The following AK5 variants were observed in gnomAD, a reference collection of about 807,000 sequenced individuals.
AK5 encodes adenylate kinase isoenzyme 5.
AK5 carries 27 observed loss-of-function variants against 69.5 expected under a neutral mutation model. The ratio of observed to expected loss-of-function variants is 0.39; its 90% CI spans 0.29 to 0.54. The LOEUF (loss-of-function observed/expected upper bound fraction) is 0.54. Ranked by LOEUF, AK5 falls within the 20% of genes least tolerant of loss-of-function variation. The probability of loss-of-function intolerance (pLI) is 0.71; values close to 1 mark genes in which losing one functional copy is unlikely to be tolerated. For missense variants in AK5, 531 were observed against 700.4 expected (o/e 0.76, Z 2.73); for synonymous variants, 260 against 244.4 (o/e 1.06, Z -0.60).
intron 5 of AK5, among the ~76,000 whole-genome samples, chr1:77,336,624 G>T (rs965123620): frequency 7.2e-5 from 11 of 151,752 alleles, no homozygotes; most frequent in Non-Finnish European, 2.9e-5. Flanking sequence ...ATATTCTGTG[G>T]TTTTTTTTGT....
chr1:77,367,805 A>ATATAT (rs1491541815), intron 6 of AK5, among the ~76,000 whole-genome samples: 1,280 of 8,474 alleles, frequency 0.15, 512 homozygotes, highest in Non-Finnish European at 0.21. Context: ...GTTATATATA[A>ATATAT]TATATGTTAT....
At chr1:77,300,501 C>T (rs546817140) in intron 5 of AK5, among the ~76,000 whole-genome samples, 35 of 152,200 alleles carry the variant, frequency 2.3e-4, no homozygotes, top group African/African-American at 8.2e-4. Context: ...TTATGTAAAG[C>T]AGTGTCAGGG....
intron 6 of AK5, among the ~76,000 whole-genome samples, chr1:77,346,790 C>G (rs1449368757): frequency 6.6e-6 from 1 of 152,144 alleles, no homozygotes; most frequent in East Asian, 1.9e-4. Flanking sequence ...AGCCACCACA[C>G]CCAGCCAGGA....
chr1:77,512,274 C>T (rs1309864993), intron 10 of AK5, among the ~76,000 whole-genome samples: 8 of 152,032 alleles, frequency 5.3e-5, no homozygotes, highest in Non-Finnish European at 8.8e-5. Flanking sequence ...AGAGAGAGAT[C>T]GTGCACACAC....
rs1313002378 is a variant in AK5 at position 77,558,987 on chromosome 1, T to A, written c.*317T>A. On this transcript the variant is annotated 3_prime_UTR_variant, in exon 14 of 14. Transcript: ENST00000354567. The stretch of plus-strand genomic sequence containing the variant: ...TGAACAGTGGTGCGGTGCCAGTCTG[T>A]GTCCGTTGTGATCACAGGCCTTGCT... 5.0e-6 allele frequency: 1 copy of A among 200,392 alleles called. No individual in the cohort carries two copies. Among genetic ancestry groups the A allele is most frequent in the African/African-American group, 2.3e-5 (1 of 43,456 alleles). The allele number at this position is 200,392 out of a possible 1,614,324, so 12.4% of individuals were successfully genotyped here.
chr1:77,539,759 C>T (rs17100692), intron 13 of AK5, among the ~76,000 whole-genome samples: 10,167 of 152,184 alleles, frequency 0.067, 833 homozygotes, highest in African/African-American at 0.2. Flanking sequence ...TCCCTTGGTT[C>T]CTAAGTAACA....
rs111827165 is a variant in AK5 at position 77,367,829 on chromosome 1, A to T, written c.891+27261A>T. ...AATATATGTTATATATATTATATAT[A>T]ATATATGTTATATATATTATATATA... On this transcript the variant is annotated intron_variant, in intron 6 of 13. Transcript: ENST00000354567. 1.6e-3 allele frequency among the ~76,000 whole-genome samples: 21 copies of T among 13,056 alleles called. 4 individuals are homozygous for T. The highest frequency in any genetic ancestry group is 3.4e-3 in the African/African-American group (10 of 2,958). 8.6% of individuals were successfully genotyped at this position (13,056 alleles called of 152,430 possible).
intron 8 of AK5, among the ~76,000 whole-genome samples, chr1:77,468,320 A>T (rs1654268089): frequency 6.6e-6 from 1 of 152,240 alleles, no homozygotes; most frequent in African/African-American, 2.4e-5. Context: ...TTTTGTGCAG[A>T]TTAGAAAAAG....
chr1:77,474,738 A>G (rs546038363), intron 8 of AK5, among the ~76,000 whole-genome samples: 1 of 152,280 alleles, frequency 6.6e-6, no homozygotes, highest in South Asian at 2.1e-4. Context: ...GTGACAAAGG[A>G]TGATGCCTCT....
chr1:77,321,290 G>A (rs929421338), intron 5 of AK5, among the ~76,000 whole-genome samples: 5 of 152,050 alleles, frequency 3.3e-5, no homozygotes, highest in African/African-American at 9.7e-5. Flanking sequence ...TGGCCAACAC[G>A]GTGAAACCCC....
intron 12 of AK5, among the ~76,000 whole-genome samples, chr1:77,529,863 G>C (rs940756010): frequency 3.3e-5 from 5 of 152,170 alleles, no homozygotes; most frequent in African/African-American, 9.7e-5. Context: ...ATTAATAGAA[G>C]TAGAATGCAT....
At chr1:77,459,359 T>C (rs994856298) in intron 8 of AK5, among the ~76,000 whole-genome samples, 1 of 152,202 alleles carries the variant, frequency 6.6e-6, no homozygotes, top group Non-Finnish European at 1.5e-5. Context: ...CGTCCCCTGC[T>C]GCAGCCAGTT....
At chr1:77,447,942 T>G (rs1007010942) in intron 8 of AK5, among the ~76,000 whole-genome samples, 4 of 152,194 alleles carry the variant, frequency 2.6e-5, no homozygotes, top group Non-Finnish European at 4.4e-5. Context: ...GAGGTTGCCC[T>G]TTGTTCCTCA....
intron 12 of AK5, among the ~76,000 whole-genome samples, chr1:77,522,643 G>A (rs1229145553): frequency 6.6e-6 from 1 of 152,054 alleles, no homozygotes; most frequent in Non-Finnish European, 1.5e-5. Flanking sequence ...GTGGGTCAGG[G>A]ATACTCACAG....
Position 77,540,027 on chromosome 1 carries a change from C to T in AK5, c.1620+3989C>T, listed in dbSNP as rs368190479. On this transcript the variant is annotated intron_variant, in intron 13 of 13. Transcript: ENST00000354567. ...CCACAAATAGGCCACAAGCACCGCCCTCAGGCCTCTACCCAGCAATGCTGA... is the reference window on the plus strand; with the variant it reads ...CCACAAATAGGCCACAAGCACCGCCTTCAGGCCTCTACCCAGCAATGCTGA... Among the ~76,000 whole-genome samples the T allele has an allele frequency of 2.0e-5, 3 of 152,372 alleles. No individual in the cohort carries two copies. The East Asian group carries it at 5.8e-4, about 29-fold the overall frequency.
intron 6 of AK5, among the ~76,000 whole-genome samples, chr1:77,369,963 T>C (rs1048063722): frequency 6.6e-6 from 1 of 152,234 alleles, no homozygotes; most frequent in African/African-American, 2.4e-5. Flanking sequence ...TTGCTATTAA[T>C]GTGAGATAGC....
At chr1:77,397,093 A>G (rs1648882847) in intron 6 of AK5, among the ~76,000 whole-genome samples, 1 of 152,156 alleles carries the variant, frequency 6.6e-6, no homozygotes, top group African/African-American at 2.4e-5. Context: ...AGAAAAGGAC[A>G]TCTCCCCTTC....
rs1401549912 is a variant in AK5, at chr1:77,453,257, A to G, written c.1060-30060A>G. Among the ~76,000 whole-genome samples, 8 of 152,370 alleles carry G rather than the reference A, an allele frequency of 5.3e-5. No homozygotes were observed. The South Asian group carries it at 1.0e-3, about 20-fold the overall frequency. ...AGTACTTTTCTCTGTTCACTGATAC[A>G]TCACCAGCACCTAGAGCAACACATG... On this transcript the variant is annotated intron_variant, in intron 8 of 13. Transcript: ENST00000354567.
intron 13 of AK5, among the ~76,000 whole-genome samples, chr1:77,546,063 C>T (rs961025397): frequency 9.9e-5 from 15 of 152,110 alleles, no homozygotes; most frequent in African/African-American, 2.9e-4. Context: ...CCCGCAAAGA[C>T]GTTTTGATTC....
Sources: gnomAD v4.1 joint callset for allele counts (sites outside exome capture counted in the v4.1 genomes callset) on GRCh38, gnomAD v4.1.1 for gene constraint, MANE v1.5 for transcripts, NCBI Gene and HGNC (gene_info 2026-07-23, HGNC 2026-07-21) for gene names.